MN1: variants seen among roughly 807,000 people sequenced by gnomAD.
MN1 encodes MN1 proto-oncogene, transcriptional regulator.
MN1 carries 19 observed loss-of-function variants against 86.9 expected under a neutral mutation model. The observed-to-expected ratio is 0.22, with a 90% CI of 0.15 to 0.32. The LOEUF is 0.32. Among genes scored for constraint, MN1 ranks in the 10% least tolerant of loss-of-function variants. MN1 has a pLI of 1.00. For missense variants in MN1, 1,841 were observed against 1,862.0 expected (o/e 0.99, Z 0.21); for synonymous variants, 928 against 849.6 (o/e 1.09, Z -1.60).
intron 1 of MN1, among the ~76,000 whole-genome samples, chr22:27,775,659 C>T (rs1443140351): frequency 6.6e-6 from 1 of 152,174 alleles, no homozygotes; most frequent in Admixed American, 6.5e-5. Flanking sequence ...GGTGATGCTG[C>T]TATGACTGCC....
chr22:27,768,451 A>T (rs1485830152), intron 1 of MN1, among the ~76,000 whole-genome samples: 9 of 152,152 alleles, frequency 5.9e-5, no homozygotes, highest in Admixed American at 5.9e-4. Context: ...GGGTAGAGCT[A>T]CAGAGAGTAC....
intron 1 of MN1, among the ~76,000 whole-genome samples, chr22:27,760,618 C>G (rs1263733491): frequency 1.3e-5 from 2 of 152,192 alleles, no homozygotes; most frequent in Non-Finnish European, 2.9e-5. Flanking sequence ...GGGAACCACA[C>G]CCACAACCCC....
At position 27,800,819 on chromosome 22, in the gene MN1, C is replaced by T; in HGVS notation, c.-276G>A. 5.2e-6 allele frequency: 2 copies of T among 387,374 alleles called. No individual in the cohort carries two copies. Among genetic ancestry groups the T allele is most frequent in the Non-Finnish European group, 4.6e-6 (1 of 215,648 alleles). 24.0% of individuals were successfully genotyped at this position (387,374 alleles called of 1,614,324 possible). A position where few individuals can be genotyped will look rare whatever the true frequency, so the allele number is the denominator to read the frequency against. Reference sequence around the variant, plus strand: ...CGTGTTGGGGGGCCCATGCCCCGGGCGGTTGTCACAGCCGCGGGTGGGTCT... The same window carrying T: ...CGTGTTGGGGGGCCCATGCCCCGGGTGGTTGTCACAGCCGCGGGTGGGTCT... On this transcript the variant is annotated 5_prime_UTR_variant, in exon 1 of 2. Coordinates refer to ENST00000302326, the MANE Select transcript of MN1 (RefSeq NM_002430.3).
At chr22:27,778,764 G>A (rs1933012193) in intron 1 of MN1, among the ~76,000 whole-genome samples, 1 of 152,216 alleles carries the variant, frequency 6.6e-6, no homozygotes, top group South Asian at 2.1e-4. Flanking sequence ...GTGACTAATG[G>A]AGGAAATGTG....
chr22:27,748,315 A>G lies in MN1; in HGVS notation c.*2600T>C, dbSNP rs1390402568. On this transcript the variant is annotated 3_prime_UTR_variant, in exon 2 of 2. Coordinates refer to ENST00000302326, the MANE Select transcript of MN1 (RefSeq NM_002430.3). ...CATATTTATTGTTATTTAACTGCTCAGGAAAACATATACAGGTATATACAA... is the reference window on the plus strand; with the variant it reads ...CATATTTATTGTTATTTAACTGCTCGGGAAAACATATACAGGTATATACAA... 1 of 176,288 alleles carries G rather than the reference A, an allele frequency of 5.7e-6. No individual in the cohort carries two copies. Among genetic ancestry groups the G allele is most frequent in the Non-Finnish European group, 1.2e-5 (1 of 81,454 alleles). 10.9% of individuals were successfully genotyped at this position (176,288 alleles called of 1,614,324 possible). A position where few individuals can be genotyped will look rare whatever the true frequency, so the allele number is the denominator to read the frequency against.
At position 27,749,437 on chromosome 22, in the gene MN1, T is replaced by A. The variant is rs1380599187; in HGVS notation, c.*1478A>T. ...ACGGTTATATATTTGGGTGAAGTGA[T>A]ATCAGTTACTTCCTGTCTAACCCAC... On this transcript the variant is annotated 3_prime_UTR_variant, in exon 2 of 2. Transcript: ENST00000302326. The A allele has an allele frequency of 8.6e-6, 2 of 231,680 alleles. No homozygotes were observed. The highest frequency in any genetic ancestry group is 1.7e-5 in the Non-Finnish European group (2 of 117,142). The allele number at this position is 231,680 out of a possible 1,614,324, so 14.4% of individuals were successfully genotyped here.
chr22:27,800,033 C>G lies in MN1; in HGVS notation c.511G>C (p.Gly171Arg). 1 of 1,603,406 alleles carries G rather than the reference C, an allele frequency of 6.2e-7. No individual in the cohort carries two copies. Among genetic ancestry groups the G allele is most frequent in the Non-Finnish European group, 8.5e-7 (1 of 1,179,318 alleles). ...GAACTGTGGAAGTCCGGGAGGTTCC[C>G]CGGTCGCTGCGGGCCGAAGCTCTCA... ...GPESFGPQRP[G>R]NLPDFHSSGA... is the part of the protein sequence containing the mutation. Residue 171 changes from glycine to arginine, a missense_variant, in exon 1 of 2, where the codon GGG becomes CGG. Transcript: ENST00000302326.
chr22:27,797,896 G>A lies in MN1; in HGVS notation c.2648C>T (p.Thr883Ile). 6.3e-7 allele frequency: 1 copy of A among 1,599,008 alleles called. No individual in the cohort carries two copies. The highest frequency in any genetic ancestry group is 8.5e-7 in the Non-Finnish European group (1 of 1,172,866). Residue 883 changes from threonine to isoleucine, a missense_variant, in exon 1 of 2, where the codon ACT becomes ATT. Physicochemically the swap from Thr to Ile is moderately conservative, Grantham distance 89. Coordinates refer to ENST00000302326, the MANE Select transcript of MN1 (RefSeq NM_002430.3). Reference sequence around the variant, plus strand: ...TCCGGGTCCTGGGGCCCCAGGAGCAGTCCCTCCTGGGAAGTAATCCGAGCC... The same window carrying A: ...TCCGGGTCCTGGGGCCCCAGGAGCAATCCCTCCTGGGAAGTAATCCGAGCC... ...NPGSDYFPGG[T>I]APGAPGPGGP... is the part of the protein sequence containing the mutation.
intron 1 of MN1, among the ~76,000 whole-genome samples, chr22:27,796,363 G>A (rs1364644649): frequency 2.0e-5 from 3 of 151,944 alleles, no homozygotes; most frequent in Non-Finnish European, 2.9e-5. Context: ...CAGGGAAGGC[G>A]GCACACAGCT....
At chr22:27,757,159 G>A (rs905424865) in intron 1 of MN1, among the ~76,000 whole-genome samples, 4 of 152,116 alleles carry the variant, frequency 2.6e-5, no homozygotes, top group African/African-American at 7.2e-5. Context: ...AAGGTCACAC[G>A]GAGTCAGGGG....
At chr22:27,772,008 T>C (rs1932921338) in intron 1 of MN1, among the ~76,000 whole-genome samples, 1 of 152,198 alleles carries the variant, frequency 6.6e-6, no homozygotes. Flanking sequence ...GCCACTCACC[T>C]GCTGGAAAAA....
chr22:27,750,760 C>G lies in MN1; in HGVS notation c.*155G>C, dbSNP rs1932756288. On this transcript the variant is annotated 3_prime_UTR_variant, in exon 2 of 2. Coordinates refer to ENST00000302326, the MANE Select transcript of MN1 (RefSeq NM_002430.3). The stretch of plus-strand genomic sequence containing the variant: ...TTAACCCTTTCCGGTCCATATGCCA[C>G]TAAGCAGGTACCAACCTAGAGAAAA... 1.7e-6 allele frequency: 1 copy of G among 575,334 alleles called. No homozygotes were observed. Among genetic ancestry groups the G allele is most frequent in the African/African-American group, 2.1e-5 (1 of 48,780 alleles). 35.6% of individuals were successfully genotyped at this position (575,334 alleles called of 1,614,324 possible).
chr22:27,765,360 C>T (rs968366910), intron 1 of MN1, among the ~76,000 whole-genome samples: 1 of 152,116 alleles, frequency 6.6e-6, no homozygotes, highest in African/African-American at 2.4e-5. Flanking sequence ...ACCTCTTTGT[C>T]TTTCTACTTA....
At position 27,797,730 on chromosome 22, in the gene MN1, G is replaced by T; in HGVS notation, c.2814C>A (p.Gly938=). ...TTCTGCGACCCCGTCCCCGGCCGCC[G>T]CCCCCGGAGACCGGCTTGCCGTCAT... The part of the protein sequence containing the change: ...SGNDGKPVSG[G]GGRGRGRRKR... Residue 938 remains glycine, a synonymous_variant, in exon 1 of 2, where the codon GGC becomes GGA. Transcript: ENST00000302326. 1 of 1,611,538 alleles carries T rather than the reference G, an allele frequency of 6.2e-7. No homozygotes were observed. Among genetic ancestry groups the T allele is most frequent in the Non-Finnish European group, 8.5e-7 (1 of 1,179,484 alleles).
intron 1 of MN1, among the ~76,000 whole-genome samples, chr22:27,788,577 C>A (rs1405458639): frequency 6.6e-6 from 1 of 151,810 alleles, no homozygotes; most frequent in Non-Finnish European, 1.5e-5. Context: ...GATCCAAGGG[C>A]GTCTGAAAAC....
intron 1 of MN1, among the ~76,000 whole-genome samples, chr22:27,768,228 G>A (rs1932885332): frequency 1.3e-5 from 2 of 152,166 alleles, no homozygotes. Context: ...ATGTTTCCTG[G>A]ATTGTCACAG....
At chr22:27,771,068 A>G (rs1932910120) in intron 1 of MN1, among the ~76,000 whole-genome samples, 1 of 152,142 alleles carries the variant, frequency 6.6e-6, no homozygotes, top group Admixed American at 6.5e-5. Flanking sequence ...TGAGCACTGC[A>G]TTAAGCACAC....
chr22:27,774,702 G>A (rs738456), intron 1 of MN1, among the ~76,000 whole-genome samples: 15,209 of 152,216 alleles, frequency 0.1, 846 homozygotes, highest in East Asian at 0.18. Flanking sequence ...AACGGGTTTC[G>A]TGCCCGCAGA....
chr22:27,793,284 C>T, intron 1 of MN1, among the ~76,000 whole-genome samples: 1 of 151,622 alleles, frequency 6.6e-6, no homozygotes, highest in Non-Finnish European at 1.5e-5. Flanking sequence ...TATAATCTAT[C>T]ATTATCTCTC....
Sources: gnomAD v4.1 joint callset for allele counts (sites outside exome capture counted in the v4.1 genomes callset) on GRCh38, gnomAD v4.1.1 for gene constraint, MANE v1.5 for transcripts, NCBI Gene and HGNC (gene_info 2026-07-23, HGNC 2026-07-21) for gene names.